LRP1B: variants seen among roughly 807,000 people sequenced by gnomAD.
LRP1B encodes the protein low-density lipoprotein receptor-related protein 1B.
LRP1B carries 217 observed loss-of-function variants against 556.6 expected under a neutral mutation model. That is an observed-to-expected ratio of 0.39 (90% confidence interval 0.35 to 0.44). The LOEUF is 0.44. Ranked by LOEUF, LRP1B falls within the 20% of genes least tolerant of loss-of-function variation. LRP1B has a pLI of 1.00. For missense variants in LRP1B, 5,053 were observed against 5,620.8 expected (o/e 0.90, Z 3.23); for synonymous variants, 2,047 against 1,865.8 (o/e 1.10, Z -2.50).
At chr2:140,670,553 T>C (rs1267924512) in intron 41 of LRP1B, among the ~76,000 whole-genome samples, 3 of 152,148 alleles carry the variant, frequency 2.0e-5, no homozygotes, top group Admixed American at 6.5e-5. Flanking sequence ...CTTTATACTT[T>C]AGAAGGCTAG....
chr2:140,307,468 T>C (rs1039142342), intron 83 of LRP1B, among the ~76,000 whole-genome samples: 4 of 151,848 alleles, frequency 2.6e-5, no homozygotes, highest in Admixed American at 1.3e-4. Context: ...TAAAATCCTA[T>C]TGCTCATTTT....
At chr2:141,897,395 T>C (rs1699484866) in intron 1 of LRP1B, among the ~76,000 whole-genome samples, 1 of 152,198 alleles carries the variant, frequency 6.6e-6, no homozygotes, top group African/African-American at 2.4e-5. Context: ...TACTTAGGGC[T>C]GATATTGCCT....
chr2:141,855,249 C>T (rs1211720402), intron 1 of LRP1B, among the ~76,000 whole-genome samples: 2 of 151,960 alleles, frequency 1.3e-5, no homozygotes, highest in Non-Finnish European at 2.9e-5. Flanking sequence ...TAACAGGTTT[C>T]TTTTTATCTC....
intron 3 of LRP1B, among the ~76,000 whole-genome samples, chr2:141,332,814 CA>C (rs67444878): frequency 2.1e-4 from 30 of 142,406 alleles, no homozygotes; most frequent in East Asian, 6.3e-4. Context: ...TTTAAAAATG[CA>C]AAAAAAAAAA....
chr2:140,475,106 AAAT>A (rs776792410), intron 60 of LRP1B, 29 bp downstream of exon 60: 1 of 1,163,156 alleles, frequency 8.6e-7, no homozygotes, highest in Admixed American at 2.7e-5. Flanking sequence ...TGACCTGGTA[AAAT>A]ACTAGAATAT....
At chr2:141,363,114 C>A (rs573046203) in intron 3 of LRP1B, among the ~76,000 whole-genome samples, 4 of 152,230 alleles carry the variant, frequency 2.6e-5, no homozygotes, top group South Asian at 2.1e-4. Flanking sequence ...ACCCAAAATG[C>A]TTTGTACATC....
intron 2 of LRP1B, among the ~76,000 whole-genome samples, chr2:141,541,563 C>T (rs2105210385): frequency 6.6e-6 from 1 of 152,108 alleles, no homozygotes; most frequent in African/African-American, 2.4e-5. Flanking sequence ...AACATTCACA[C>T]ATACAGATTG....
At chr2:140,849,078 C>T (rs977265572) in intron 29 of LRP1B, among the ~76,000 whole-genome samples, 2 of 151,354 alleles carry the variant, frequency 1.3e-5, no homozygotes, top group East Asian at 1.9e-4. Context: ...GGAGGGAGGC[C>T]GGGCATGGTG....
intron 3 of LRP1B, among the ~76,000 whole-genome samples, chr2:141,433,068 A>C (rs1680624100): frequency 6.6e-6 from 1 of 151,938 alleles, no homozygotes; most frequent in South Asian, 2.1e-4. Context: ...AGCTGCATAA[A>C]TTTTGGTGTT....
At chr2:141,518,488 G>GTGTT (rs1043089104) in intron 2 of LRP1B, among the ~76,000 whole-genome samples, 1 of 152,076 alleles carries the variant, frequency 6.6e-6, no homozygotes, top group African/African-American at 2.4e-5. Context: ...TTCACTTTGG[G>GTGTT]TGTTTTCCCC....
At chr2:140,862,770 A>G (rs904536014) in intron 27 of LRP1B, among the ~76,000 whole-genome samples, 5 of 152,208 alleles carry the variant, frequency 3.3e-5, no homozygotes, top group Admixed American at 2.0e-4. Context: ...TCTGGAAGAG[A>G]TGAGTATATG....
chr2:142,024,622 T>TTTG (rs920410193), intron 1 of LRP1B, among the ~76,000 whole-genome samples: 6 of 150,300 alleles, frequency 4.0e-5, no homozygotes, highest in African/African-American at 1.5e-4. Flanking sequence ...GCTGAAATGT[T>TTTG]TTTTTTTTTT....
intron 1 of LRP1B, among the ~76,000 whole-genome samples, chr2:141,980,962 A>G (rs1033096868): frequency 8.6e-5 from 13 of 152,046 alleles, no homozygotes; most frequent in African/African-American, 3.1e-4. Context: ...AAAAAAAAAT[A>G]CCAATTTATG....
intron 6 of LRP1B, among the ~76,000 whole-genome samples, chr2:141,211,647 T>C (rs1056950312): frequency 6.6e-6 from 1 of 152,018 alleles, no homozygotes; most frequent in Non-Finnish European, 1.5e-5. Flanking sequence ...AAACTAAGCA[T>C]TCAGGAAGGC....
chr2:141,094,586 A>C (rs1448388157), intron 7 of LRP1B, among the ~76,000 whole-genome samples: 3 of 152,174 alleles, frequency 2.0e-5, no homozygotes, highest in Admixed American at 1.3e-4. Context: ...TAACAAAATA[A>C]GTAATTAAAA....
At chr2:142,017,333 G>A (rs1703180551) in intron 1 of LRP1B, among the ~76,000 whole-genome samples, 1 of 152,020 alleles carries the variant, frequency 6.6e-6, no homozygotes, top group African/African-American at 2.4e-5. Context: ...ATGTGTTAGT[G>A]AGAAATAAAC....
intron 31 of LRP1B, among the ~76,000 whole-genome samples, chr2:140,835,403 T>G (rs551068771): frequency 2.0e-5 from 3 of 152,218 alleles, no homozygotes; most frequent in Non-Finnish European, 4.4e-5. Context: ...AGGCTTCACC[T>G]GCATAAAGAC....
intron 1 of LRP1B, among the ~76,000 whole-genome samples, chr2:142,116,832 G>A (rs910527686): frequency 6.6e-6 from 1 of 152,078 alleles, no homozygotes; most frequent in African/African-American, 2.4e-5. Flanking sequence ...GTCAGTGTGT[G>A]GTAATAGAGC....
intron 1 of LRP1B, among the ~76,000 whole-genome samples, chr2:141,962,480 A>T (rs960658966): frequency 4.6e-5 from 7 of 151,820 alleles, no homozygotes; most frequent in African/African-American, 1.7e-4. Context: ...ACCTGTTCAC[A>T]TTGCACTGGA....
Sources: allele counts gnomAD v4.1 joint callset (sites outside exome capture counted in the v4.1 genomes callset), GRCh38; gene constraint gnomAD v4.1.1; transcripts MANE v1.5; gene names NCBI Gene and HGNC (gene_info 2026-07-23, HGNC 2026-07-21).